The following MCOLN2 variants were observed in gnomAD, a reference collection of about 807,000 sequenced individuals.
MCOLN2 encodes the protein mucolipin TRP cation channel 2, also known as mucolipin-2.
Under a neutral mutation model 67.5 loss-of-function variants are expected in MCOLN2, and 57 were observed. The ratio of observed to expected loss-of-function variants is 0.84; its 90% confidence interval spans 0.68 to 1.05. The LOEUF (loss-of-function observed/expected upper bound fraction) is 1.05, where lower values mean the gene tolerates loss of function less well. Among genes scored for constraint, MCOLN2 ranks in the 50% least tolerant of loss-of-function variants. The probability of loss-of-function intolerance (pLI) is 0.00; values close to 1 mark genes in which losing one functional copy is unlikely to be tolerated. For missense variants in MCOLN2, 620 were observed against 678.8 expected, an observed-to-expected ratio of 0.91 and a Z score of 0.96; for synonymous variants, 246 against 233.3, an observed-to-expected ratio of 1.05 and a Z score of -0.50.
rs185030201 is a variant in MCOLN2, at chr1:84,945,511, A to C, written c.847+1522T>G. 3.9e-5 allele frequency among the ~76,000 whole-genome samples: 6 copies of C among 152,344 alleles called. No individual in the cohort carries two copies. The East Asian group carries it at 1.2e-3, about 29-fold the overall frequency. On this transcript the variant is annotated intron_variant, in intron 7 of 13. Transcript: ENST00000370608. ...ATCGTCAGGACATATTATACATCTG[A>C]AAAGCAGCAGGCCACAAATCAAATA...
chr1:84,946,116 T>C (rs1339307388), intron 7 of MCOLN2, among the ~76,000 whole-genome samples: 1 of 152,184 alleles, frequency 6.6e-6, no homozygotes, highest in African/African-American at 2.4e-5. Flanking sequence ...TGACTCAGCA[T>C]TTGCAGCGGT....
intron 1 of MCOLN2, among the ~76,000 whole-genome samples, chr1:84,987,511 CATAT>C (rs367601991): frequency 0.21 from 5,428 of 26,184 alleles, 492 homozygotes; most frequent in East Asian, 0.36. Flanking sequence ...TAGATGTATA[CATAT>C]GTATATATGT....
chr1:84,990,079 G>A (rs1650808979), intron 1 of MCOLN2, among the ~76,000 whole-genome samples: 1 of 151,666 alleles, frequency 6.6e-6, no homozygotes, highest in Non-Finnish European at 1.5e-5. Flanking sequence ...GGCGGATCAC[G>A]AGGTCAGGAG....
intron 1 of MCOLN2, among the ~76,000 whole-genome samples, chr1:84,972,255 C>T (rs1649737406): frequency 1.3e-5 from 2 of 152,126 alleles, no homozygotes; most frequent in South Asian, 2.1e-4. Flanking sequence ...ATTACACAGA[C>T]CCATCAGCTA....
At chr1:84,990,850 G>A (rs374445654) in intron 1 of MCOLN2, among the ~76,000 whole-genome samples, 67 of 151,972 alleles carry the variant, frequency 4.4e-4, no homozygotes, top group African/African-American at 1.4e-3. Flanking sequence ...CAGGAGGATC[G>A]CTTGAGCCTT....
chr1:84,931,710 G>A (rs577333239), intron 11 of MCOLN2, 142 bp from the exon 12 acceptor site: 142 of 705,738 alleles, frequency 2.0e-4, no homozygotes, highest in African/African-American at 1.9e-3. Flanking sequence ...AACACCATAA[G>A]AAGTAGGAAA....
rs145089427 is a variant in MCOLN2 at position 84,952,447 on chromosome 1, G to C, written c.649C>G (p.Arg217Gly). Residue 217 changes from arginine (R) to glycine (G), a missense_variant and splice_region_variant, in exon 5 of 14, where the codon CGG (arginine) becomes GGG (glycine). By Grantham distance (125) the Arg-to-Gly change is moderately radical. Coordinates refer to ENST00000370608, the MANE Select transcript of MCOLN2 (RefSeq NM_153259.4). ...AATAACACTTTAAAATGTATTTACC[G>C]ATAAAATTCCAGTCTGAAGAATGAT... ...NSSFFRLEFY[R>G]LLQVEISFHL... 1.9e-6 allele frequency: 3 copies of C among 1,608,702 alleles called. No homozygotes were observed. Among genetic ancestry groups the C allele is most frequent in the Non-Finnish European group, 2.6e-6 (3 of 1,175,244 alleles).
chr1:84,926,716 C>G lies in MCOLN2; in HGVS notation c.1670G>C (p.Arg557Thr). The G allele has an allele frequency of 6.3e-7, 1 of 1,594,606 alleles. No individual in the cohort carries two copies. The highest frequency in any genetic ancestry group is 8.6e-7 in the Non-Finnish European group (1 of 1,168,156). The change falls in exon 14 of 14, where the codon AGA (arginine) becomes ACA (threonine). Residue 557 changes from arginine (R) to threonine (T), a missense_variant. By Grantham distance (71) the Arg-to-Thr change is moderately conservative (BLOSUM62 -1). Transcript: ENST00000370608. ...LSCICCRRRK[R>T]SDDHLIPIS is the part of the protein sequence containing the mutation. Reference sequence around the variant, plus strand: ...AATAGGTATCAAGTGATCATCACTTCTTTTCCTGTAACAGAAAGGGAAAGA... The same window carrying G: ...AATAGGTATCAAGTGATCATCACTTGTTTTCCTGTAACAGAAAGGGAAAGA...
intron 1 of MCOLN2, among the ~76,000 whole-genome samples, chr1:84,982,090 A>ATTTT (rs1458660431): frequency 0.011 from 1,478 of 133,258 alleles, 7 homozygotes; most frequent in East Asian, 0.042. Flanking sequence ...TTTTTTTTAA[A>ATTTT]AAAAAGATGA....
chr1:84,962,694 G>C (rs1457434569), intron 2 of MCOLN2, among the ~76,000 whole-genome samples: 2 of 152,182 alleles, frequency 1.3e-5, no homozygotes, highest in South Asian at 2.1e-4. Context: ...CCCCGGACTT[G>C]GACGAACAAA....
Position 84,926,690 on chromosome 1 carries a change from T to A in MCOLN2, c.1696A>T (p.Ser566Cys). ...KRSDDHLIPIS is the reference protein window; with the variant it reads ...KRSDDHLIPIC Reference sequence around the variant, plus strand: ...TAATCATCTTTAGCAGAACTTTAGCTAATAGGTATCAAGTGATCATCACTT... The same window carrying A: ...TAATCATCTTTAGCAGAACTTTAGCAAATAGGTATCAAGTGATCATCACTT... Residue 566 changes from serine to cysteine, a missense_variant, in exon 14 of 14, where the codon AGC becomes TGC. By Grantham distance (112) the Ser-to-Cys change is moderately radical. Coordinates refer to ENST00000370608, the MANE Select transcript of MCOLN2 (RefSeq NM_153259.4). The A allele has an allele frequency of 6.3e-7, 1 of 1,594,780 alleles. No homozygotes were observed. Among genetic ancestry groups the A allele is most frequent in the East Asian group, 2.3e-5 (1 of 44,350 alleles).
At chr1:84,977,261 T>A (rs1388677687) in intron 1 of MCOLN2, among the ~76,000 whole-genome samples, 1 of 151,728 alleles carries the variant, frequency 6.6e-6, no homozygotes, top group Non-Finnish European at 1.5e-5. Context: ...ACACAAAAAG[T>A]AGAGCAAGAA....
At chr1:84,937,708 G>C (rs370289174) in intron 11 of MCOLN2, 47 bp downstream of exon 11, 10 of 1,604,850 alleles carry the variant, frequency 6.2e-6, no homozygotes, top group African/African-American at 1.3e-5. Flanking sequence ...CCACGTTCAA[G>C]GGTCCCACGT....
intron 1 of MCOLN2, among the ~76,000 whole-genome samples, chr1:84,988,300 C>A (rs558180630): frequency 1.3e-5 from 2 of 152,136 alleles, no homozygotes; most frequent in African/African-American, 4.8e-5. Context: ...AATCCTCCCA[C>A]CTCGGCCTCC....
chr1:84,926,886 C>G (rs533224398), intron 13 of MCOLN2, among the ~76,000 whole-genome samples, 165 bp from the exon 14 acceptor site: 1 of 152,070 alleles, frequency 6.6e-6, no homozygotes, highest in South Asian at 2.1e-4. Flanking sequence ...TGATTATTTA[C>G]CAACATTCAG....
At chr1:84,959,342 T>C (rs1648957524) in intron 2 of MCOLN2, among the ~76,000 whole-genome samples, 3 of 152,270 alleles carry the variant, frequency 2.0e-5, no homozygotes, top group East Asian at 3.9e-4. Flanking sequence ...AACCCATTCA[T>C]TGTCACCAAG....
chr1:84,928,844 T>C (rs769616541), intron 13 of MCOLN2, among the ~76,000 whole-genome samples: 1 of 152,226 alleles, frequency 6.6e-6, no homozygotes, highest in Non-Finnish European at 1.5e-5. Flanking sequence ...TATGTTCTCA[T>C]AGCTTCCTTC....
intron 1 of MCOLN2, among the ~76,000 whole-genome samples, chr1:84,967,562 G>T (rs1291773607): frequency 6.6e-6 from 1 of 152,058 alleles, no homozygotes; most frequent in African/African-American, 2.4e-5. Flanking sequence ...AAAGCTTATT[G>T]TCAGTTGTTA....
rs1661168316 is a variant in MCOLN2 at position 84,926,618 on chromosome 1, C to A, written c.*67G>T. 5 of 1,238,526 alleles carry A rather than the reference C, an allele frequency of 4.0e-6. No individual in the cohort carries two copies. The highest frequency in any genetic ancestry group is 5.0e-5 in the East Asian group (2 of 39,718). The allele number at this position is 1,238,526 out of a possible 1,614,324, so 76.7% of individuals were successfully genotyped here. A position where few individuals can be genotyped will look rare whatever the true frequency, so the allele number is the denominator to read the frequency against. ...TCATTTTGGAACTGCTTGTCCAAGT[C>A]ATTTGGGGTTCCTCTGCTCAGCCGC... is the stretch of plus-strand genomic sequence containing the variant. On this transcript the variant is annotated 3_prime_UTR_variant, in exon 14 of 14. Transcript: ENST00000370608.
Sources: allele counts gnomAD v4.1 joint callset (sites outside exome capture counted in the v4.1 genomes callset), GRCh38; gene constraint gnomAD v4.1.1; transcripts MANE v1.5; gene names NCBI Gene and HGNC (gene_info 2026-07-23, HGNC 2026-07-21).